The following SSH1 variants were observed in gnomAD, a reference collection of about 807,000 sequenced individuals.
The protein encoded by SSH1 is slingshot protein phosphatase 1.
SSH1 carries 43 observed loss-of-function variants against 79.7 expected under a neutral mutation model. The observed-to-expected ratio is 0.54, with a 90% CI of 0.42 to 0.70. The LOEUF is 0.70. Ranked by LOEUF, SSH1 falls within the 30% of genes least tolerant of loss-of-function variation. The probability of loss-of-function intolerance (pLI) is 0.00; values close to 1 mark genes in which losing one functional copy is unlikely to be tolerated. For synonymous variants in SSH1, 599 were observed against 538.3 expected (o/e 1.11, Z -1.56); for missense variants, 1,206 against 1,358.8 (o/e 0.89, Z 1.77).
chr12:108,839,736 C>T (rs1348324241), intron 2 of SSH1, among the ~76,000 whole-genome samples: 1 of 152,096 alleles, frequency 6.6e-6, no homozygotes, highest in African/African-American at 2.4e-5. Flanking sequence ...TGATATTTCC[C>T]AGATAAAAGC....
chr12:108,806,207 C>A, intron 9 of SSH1, 94 bp downstream of exon 9: 2 of 1,197,378 alleles, frequency 1.7e-6, no homozygotes, highest in Admixed American at 3.4e-5. Flanking sequence ...TAAAGACAAC[C>A]AGATGTTGGG....
intron 2 of SSH1, among the ~76,000 whole-genome samples, chr12:108,840,257 C>T (rs866224387): frequency 1.3e-5 from 2 of 152,026 alleles, no homozygotes; most frequent in African/African-American, 2.4e-5. Context: ...GGGGGCTGGG[C>T]GCAGTGGCTC....
chr12:108,809,838 C>T, intron 6 of SSH1, 80 bp from the exon 7 acceptor site: 1 of 1,206,574 alleles, frequency 8.3e-7, no homozygotes, highest in Non-Finnish European at 1.2e-6. Context: ...GAGGAGGGAG[C>T]CAAACCACTG....
Position 108,780,610 on chromosome 12 carries a change from T to C in SSH1, c.*7378A>G, listed in dbSNP as rs1245036405. ...GCTGGGGCCCATCCCACCCCATTCATGGCTGGAACCCAAAGAGAATTTGTT... is the reference window on the plus strand; with the variant it reads ...GCTGGGGCCCATCCCACCCCATTCACGGCTGGAACCCAAAGAGAATTTGTT... On this transcript the variant is annotated 3_prime_UTR_variant, in exon 15 of 15. Transcript: ENST00000326495. 1.3e-5 allele frequency: 2 copies of C among 152,238 alleles called. No individual in the cohort carries two copies. The highest frequency in any genetic ancestry group is 4.8e-5 in the African/African-American group (2 of 41,470). The allele number at this position is 152,238 out of a possible 1,614,324, so 9.4% of individuals were successfully genotyped here.
rs2037365182 is a variant in SSH1 at position 108,807,858 on chromosome 12, G to A, written c.537-31C>T. 1 of 1,609,570 alleles carries A rather than the reference G, an allele frequency of 6.2e-7. No individual in the cohort carries two copies. Among genetic ancestry groups the A allele is most frequent in the East Asian group, 2.2e-5 (1 of 44,856 alleles). ...GCGAGGAGAAGACAGGGTCAGGCCT[G>A]GGAAGGCACAAGAGATGCAGGGTTT... On this transcript the variant is annotated intron_variant, in intron 7 of 14. Coordinates refer to ENST00000326495, the MANE Select transcript of SSH1 (RefSeq NM_018984.4). This position sits in a 1 kb window ranked among gnomAD's most constrained non-coding sequence, Gnocchi z 5.2.
rs573144698 is a variant in SSH1, at chr12:108,783,482, C to G, written c.*4506G>C. ...GTGTAGGAAAAGAGGGAGGAAGCAG[C>G]TATCTTCTCATGCAGCAAGGCCGAC... is the stretch of plus-strand genomic sequence containing the variant. On this transcript the variant is annotated 3_prime_UTR_variant, in exon 15 of 15. Coordinates refer to ENST00000326495, the MANE Select transcript of SSH1 (RefSeq NM_018984.4). The G allele has an allele frequency of 6.6e-6, 1 of 152,328 alleles. No individual in the cohort carries two copies. Among genetic ancestry groups the G allele is most frequent in the East Asian group, 1.9e-4 (1 of 5,188 alleles). The allele number at this position is 152,328 out of a possible 1,614,324, so 9.4% of individuals were successfully genotyped here. A position where few individuals can be genotyped will look rare whatever the true frequency, so the allele number is the denominator to read the frequency against.
At chr12:108,809,930 CAGAA>C (rs1369395190) in intron 6 of SSH1, among the ~76,000 whole-genome samples, 172 bp from the exon 7 acceptor site, 1 of 152,154 alleles carries the variant, frequency 6.6e-6, no homozygotes, top group Non-Finnish European at 1.5e-5. Flanking sequence ...TGGGCAAGGG[CAGAA>C]AGAGACACAT....
chr12:108,847,107 T>C (rs764439038), intron 2 of SSH1, among the ~76,000 whole-genome samples: 4 of 152,124 alleles, frequency 2.6e-5, no homozygotes, highest in Non-Finnish European at 4.4e-5. Context: ...CCATGTTGTG[T>C]AGGCTGGTCT....
intron 11 of SSH1, among the ~76,000 whole-genome samples, chr12:108,801,851 C>G (rs2137040284): frequency 6.6e-6 from 1 of 152,144 alleles, no homozygotes; most frequent in South Asian, 2.1e-4. Context: ...CTGGCCAACA[C>G]TGAGCGTAAA....
chr12:108,831,957 A>G (rs1473564701), intron 2 of SSH1, among the ~76,000 whole-genome samples: 1 of 152,218 alleles, frequency 6.6e-6, no homozygotes, highest in Non-Finnish European at 1.5e-5. Flanking sequence ...TCAACATCAC[A>G]AATTCTCAGC....
At chr12:108,823,436 A>T (rs2137191112) in intron 2 of SSH1, 75 bp from the exon 3 acceptor site, 1 of 1,263,852 alleles carries the variant, frequency 7.9e-7, no homozygotes, top group Admixed American at 2.0e-5. Context: ...ACTGCAGGGG[A>T]AAAAGCTTTA....
At chr12:108,790,988 T>C (rs143716789) in intron 14 of SSH1, among the ~76,000 whole-genome samples, 38 of 152,318 alleles carry the variant, frequency 2.5e-4, no homozygotes, top group African/African-American at 8.7e-4. Flanking sequence ...AAGCACCAGG[T>C]TGAAGCTCAA....
rs1263293040 is a variant in SSH1 at position 108,845,499 on chromosome 12, C to T, written c.110+7139G>A. Among the ~76,000 whole-genome samples the T allele has an allele frequency of 2.6e-5, 4 of 152,104 alleles. No homozygotes were observed. In the East Asian group the frequency reaches 7.7e-4, roughly 29 times the overall value. The stretch of plus-strand genomic sequence containing the variant: ...GTTCAGGTGCTCGAGACCAACCTGC[C>T]CGACATGATGAAACCCTGTCTCTAC... On this transcript the variant is annotated intron_variant, in intron 2 of 14. Transcript: ENST00000326495.
At chr12:108,825,167 T>C (rs922995977) in intron 2 of SSH1, among the ~76,000 whole-genome samples, 3 of 152,230 alleles carry the variant, frequency 2.0e-5, no homozygotes, top group Non-Finnish European at 2.9e-5. Context: ...AATGAACATA[T>C]ACATGATTTG....
At chr12:108,797,381 C>G (rs537649853) in intron 13 of SSH1, among the ~76,000 whole-genome samples, 5 of 151,994 alleles carry the variant, frequency 3.3e-5, no homozygotes, top group African/African-American at 1.2e-4. Context: ...CAGACAGGTG[C>G]GGGTCCCTGG....
At chr12:108,799,569 G>A (rs995551298) in intron 12 of SSH1, among the ~76,000 whole-genome samples, 3 of 152,312 alleles carry the variant, frequency 2.0e-5, no homozygotes, top group East Asian at 1.9e-4. Context: ...TTCCTGAGAC[G>A]AGAGTGGGCA....
intron 2 of SSH1, among the ~76,000 whole-genome samples, chr12:108,825,658 G>A (rs902654722): frequency 7.9e-5 from 12 of 152,220 alleles, no homozygotes; most frequent in African/African-American, 1.2e-4. Context: ...ATGCACTGCC[G>A]AGTCATCCTT....
chr12:108,800,965 C>T, intron 11 of SSH1, 39 bp from the exon 12 acceptor site: 3 of 1,591,162 alleles, frequency 1.9e-6, no homozygotes, highest in Non-Finnish European at 2.6e-6. Flanking sequence ...TTTGGACAAT[C>T]TGAATGAGAA....
intron 8 of SSH1, among the ~76,000 whole-genome samples, 191 bp from the exon 9 acceptor site, chr12:108,806,585 G>A (rs574384182): frequency 1.4e-4 from 22 of 152,250 alleles, no homozygotes; most frequent in Non-Finnish European, 2.6e-4. Context: ...GAACTCCCAC[G>A]GGAGTCAACA....
Sources: allele counts gnomAD v4.1 joint callset (sites outside exome capture counted in the v4.1 genomes callset), GRCh38; gene constraint gnomAD v4.1.1; non-coding constraint Gnocchi (gnomAD v3.1); transcripts MANE v1.5; gene names NCBI Gene and HGNC (gene_info 2026-07-23, HGNC 2026-07-21).